Variants in TRPC6 observed in about 807,000 individuals in gnomAD.
TRPC6 encodes transient receptor potential cation channel subfamily C member 6.
TRPC6 carries 55 observed loss-of-function variants against 90.7 expected under a neutral mutation model. The observed-to-expected ratio is 0.61, with a 90% CI of 0.49 to 0.76. The LOEUF (loss-of-function observed/expected upper bound fraction) is 0.76, where lower values mean the gene tolerates loss of function less well. Ranked by LOEUF, TRPC6 falls within the 30% of genes least tolerant of loss-of-function variation. TRPC6 has a pLI of 0.00. For missense variants in TRPC6, 989 were observed against 1,122.7 expected (o/e 0.88, Z 1.70); for synonymous variants, 393 against 393.0 (o/e 1.00, Z 0.00).
intron 10 of TRPC6, among the ~76,000 whole-genome samples, chr11:101,465,302 T>A (rs1475383760): frequency 6.6e-6 from 1 of 152,086 alleles, no homozygotes; most frequent in Admixed American, 6.5e-5. Flanking sequence ...TTTGTGGTGG[T>A]CTTTGTATTT....
intron 1 of TRPC6, 137 bp downstream of exon 1, chr11:101,583,197 G>A: frequency 2.2e-6 from 3 of 1,386,812 alleles, no homozygotes; most frequent in Non-Finnish European, 2.8e-6. Context: ...CCTGGCTCTC[G>A]CGGACCTCCC....
chr11:101,490,515 G>T (rs971513911), intron 3 of TRPC6, among the ~76,000 whole-genome samples: 1 of 152,154 alleles, frequency 6.6e-6, no homozygotes, highest in African/African-American at 2.4e-5. Flanking sequence ...TGGAGTGCAG[G>T]AAATGATCTT....
chr11:101,514,899 C>T (rs1181435357), intron 1 of TRPC6, among the ~76,000 whole-genome samples: 1 of 152,078 alleles, frequency 6.6e-6, no homozygotes, highest in African/African-American at 2.4e-5. Context: ...TTTGGGGGAA[C>T]CTTGCAAAAT....
chr11:101,544,399 T>C (rs1420211984), intron 1 of TRPC6, among the ~76,000 whole-genome samples: 2 of 152,320 alleles, frequency 1.3e-5, no homozygotes, highest in Non-Finnish European at 2.9e-5. Context: ...CAAAGGATTA[T>C]AAATCATTCT....
intron 1 of TRPC6, among the ~76,000 whole-genome samples, chr11:101,526,559 G>A (rs980314527): frequency 5.9e-5 from 9 of 151,918 alleles, no homozygotes; most frequent in African/African-American, 1.9e-4. Context: ...AACATCAGAA[G>A]ATGATTTAAT....
chr11:101,475,298 G>T (rs1329664087), intron 6 of TRPC6, among the ~76,000 whole-genome samples: 2 of 152,026 alleles, frequency 1.3e-5, no homozygotes, highest in Non-Finnish European at 2.9e-5. Flanking sequence ...ACTCAAATGT[G>T]AACTTTATTA....
rs200642639 is a variant in TRPC6, at chr11:101,583,420, G to C, written c.84C>G (p.Ser28Arg). 4.5e-6 allele frequency: 7 copies of C among 1,567,674 alleles called. No individual in the cohort carries two copies. In the African/African-American group the frequency reaches 9.6e-5, roughly 21 times the overall value. The change falls in exon 1 of 13, where the codon AGC becomes AGG. Residue 28 changes from serine (S) to arginine (R), a missense_variant. Around this residue, in one of 4 missense-constraint regions of TRPC6, gnomAD observed 194 missense variants for 136.5 expected, o/e 1.42. Coordinates refer to ENST00000344327, the MANE Select transcript of TRPC6 (RefSeq NM_004621.6). ...CCGAGTCCATGAGCAGATAGTCCTG[G>C]CTCTCGTTGCGCCGCGCAGCGGCTC... ...AAGAAARRNE[S>R]QDYLLMDSEL...
intron 10 of TRPC6, among the ~76,000 whole-genome samples, chr11:101,458,573 C>A (rs1414053714): frequency 2.0e-5 from 3 of 152,142 alleles, no homozygotes; most frequent in South Asian, 4.1e-4. Flanking sequence ...CTAATGCTAG[C>A]AACCACCAAA....
In TRPC6 at chr11:101,583,711, G is replaced by A; in HGVS notation, c.-208C>T. The A allele has an allele frequency of 2.0e-6, 1 of 501,368 alleles. No individual in the cohort carries two copies. Among genetic ancestry groups the A allele is most frequent in the Non-Finnish European group, 3.4e-6 (1 of 297,964 alleles). The allele number at this position is 501,368 out of a possible 1,614,324, so 31.1% of individuals were successfully genotyped here. A position where few individuals can be genotyped will look rare whatever the true frequency, so the allele number is the denominator to read the frequency against. ...CGGGGAAAAGTCACCACTTAAGGGG[G>A]TGCAAAGAGGATCTTGACCTGAGCA... On this transcript the variant is annotated 5_prime_UTR_variant, in exon 1 of 13. Transcript: ENST00000344327.
At chr11:101,514,407 T>A (rs911065005) in intron 1 of TRPC6, among the ~76,000 whole-genome samples, 4 of 152,182 alleles carry the variant, frequency 2.6e-5, no homozygotes, top group African/African-American at 9.7e-5. Context: ...TCTGAGGACA[T>A]GTCACTTAGC....
chr11:101,486,007 A>G (rs958445740), intron 4 of TRPC6, among the ~76,000 whole-genome samples: 1 of 152,070 alleles, frequency 6.6e-6, no homozygotes, highest in Admixed American at 6.6e-5. Flanking sequence ...TTTATTCTAA[A>G]GGGAGTATCA....
chr11:101,510,218 G>A (rs151164743), intron 1 of TRPC6, among the ~76,000 whole-genome samples: 2 of 152,156 alleles, frequency 1.3e-5, no homozygotes, highest in Non-Finnish European at 2.9e-5. Flanking sequence ...AGCAAAATGT[G>A]TAAAACAACT....
At chr11:101,477,505 A>ACTT (rs1391500044) in intron 5 of TRPC6, among the ~76,000 whole-genome samples, 7 of 152,176 alleles carry the variant, frequency 4.6e-5, no homozygotes, top group African/African-American at 1.7e-4. Flanking sequence ...GATGACAGGA[A>ACTT]CTTATTAATA....
chr11:101,553,609 T>C (rs897505326), intron 1 of TRPC6, among the ~76,000 whole-genome samples: 1 of 152,156 alleles, frequency 6.6e-6, no homozygotes, highest in African/African-American at 2.4e-5. Context: ...TCCACCCAGG[T>C]TGTGTTTCTA....
intron 2 of TRPC6, among the ~76,000 whole-genome samples, chr11:101,497,921 A>G (rs1859991981): frequency 6.6e-6 from 1 of 152,162 alleles, no homozygotes; most frequent in African/African-American, 2.4e-5. Context: ...AAGAGGAATA[A>G]AAAGAAACAT....
chr11:101,471,337 GA>G lies in TRPC6; in HGVS notation c.2254del (p.Ser752ProfsTer27). ...WKFARAKLWFSYFEEGRTLPV... is the reference protein window; with the variant it reads ...WKFARAKLWFXYFEEGRTLPV... ...AAGTGTTCTGCCCTCCTCAAAGTAG[GA>G]AAACCAGAGTTTGGCCCTTGCAAAT... On this transcript the variant is annotated frameshift_variant, in exon 9 of 13. Transcript: ENST00000344327. LOFTEE classifies it high-confidence loss of function. The G allele has an allele frequency of 6.2e-7, 1 of 1,613,878 alleles. No individual in the cohort carries two copies. The highest frequency in any genetic ancestry group is 1.3e-5 in the African/African-American group (1 of 74,988).
At chr11:101,514,280 A>AG (rs1019948844) in intron 1 of TRPC6, among the ~76,000 whole-genome samples, 4 of 151,906 alleles carry the variant, frequency 2.6e-5, no homozygotes, top group Non-Finnish European at 4.4e-5. Flanking sequence ...GTATGGCAGA[A>AG]AAAAAGAGAA....
Position 101,466,706 on chromosome 11 carries a change from G to T in TRPC6, c.2484+2721C>A, listed in dbSNP as rs1428445459. ...CCCTGGCTTCAGCCCCCTTTCCAGGGGAGTGAATGGTTCTGTCTCACTGGT... is the reference window on the plus strand; with the variant it reads ...CCCTGGCTTCAGCCCCCTTTCCAGGTGAGTGAATGGTTCTGTCTCACTGGT... On this transcript the variant is annotated intron_variant, in intron 10 of 12. Transcript: ENST00000344327. Among the ~76,000 whole-genome samples, 4 of 152,180 alleles carry T rather than the reference G, an allele frequency of 2.6e-5. No individual in the cohort carries two copies. In the East Asian group the frequency reaches 7.7e-4, roughly 29 times the overall value.
intron 1 of TRPC6, among the ~76,000 whole-genome samples, chr11:101,508,046 T>C (rs781243318): frequency 4.6e-5 from 7 of 152,092 alleles, no homozygotes; most frequent in Admixed American, 1.3e-4. Flanking sequence ...ATTGCTATTA[T>C]ATTTTTAATT....
Sources: gnomAD v4.1 joint callset for allele counts (sites outside exome capture counted in the v4.1 genomes callset) on GRCh38, gnomAD v4.1.1 for gene constraint, gnomAD v4.1.1 regional missense constraint, MANE v1.5 for transcripts, NCBI Gene and HGNC (gene_info 2026-07-23, HGNC 2026-07-21) for gene names.